Variants in CHID1 observed in about 807,000 individuals in gnomAD.
CHID1 encodes the protein chitinase domain containing 1.
A neutral mutation model predicts 55.4 loss-of-function variants in CHID1; 44 were observed. The observed-to-expected ratio is 0.79, with a 90% confidence interval of 0.62 to 1.02. The LOEUF is 1.02. Among genes scored for constraint, CHID1 ranks in the 50% least tolerant of loss-of-function variants. The pLI, the probability that CHID1 is intolerant of heterozygous loss-of-function variation, is 0.00. For synonymous variants in CHID1, 216 were observed against 212.9 expected, an observed-to-expected ratio of 1.01 and a Z score of -0.13; for missense variants, 491 against 515.3, an observed-to-expected ratio of 0.95 and a Z score of 0.46.
At chr11:885,769 C>A (rs1277551360) in intron 8 of CHID1, among the ~76,000 whole-genome samples, 1 of 152,208 alleles carries the variant, frequency 6.6e-6, no homozygotes, top group African/African-American at 2.4e-5. Flanking sequence ...CTATGTCACC[C>A]AGGCTGGAGT....
Position 903,130 on chromosome 11 carries a change from G to A in CHID1, c.112-19C>T. 6.2e-7 allele frequency: 1 copy of A among 1,603,630 alleles called. No individual in the cohort carries two copies. On this transcript the variant is annotated intron_variant, in intron 2 of 12. Coordinates refer to ENST00000323578, the MANE Select transcript of CHID1 (RefSeq NM_023947.4). ...ACTGACTCTGAAATAAAAGGAGTGA[G>A]AGAAAAGCCTCAGTCATCTGTCCAC...
chr11:868,865 G>GA lies in CHID1; in HGVS notation c.*992dup, dbSNP rs1848998405. ...TCCCTGGACTCACTTCTGTCCCCCC[G>GA]AGAGACCTTGCCCGGGACATGTACC... On this transcript the variant is annotated 3_prime_UTR_variant, in exon 13 of 13. Coordinates refer to ENST00000323578, the MANE Select transcript of CHID1 (RefSeq NM_023947.4). 6.6e-6 allele frequency: 1 copy of GA among 152,256 alleles called. No homozygotes were observed. Among genetic ancestry groups the GA allele is most frequent in the African/African-American group, 2.4e-5 (1 of 41,386 alleles). The allele number at this position is 152,256 out of a possible 1,614,324, so 9.4% of individuals were successfully genotyped here.
chr11:910,676 C>G (rs1490387518), intron 1 of CHID1, 99 bp downstream of exon 1: 1 of 1,267,596 alleles, frequency 7.9e-7, no homozygotes, highest in Non-Finnish European at 1.0e-6. Flanking sequence ...CGCCCGTCCT[C>G]CCGGGGCCGA....
At chr11:909,265 ACACT>A (rs1852459233) in intron 1 of CHID1, among the ~76,000 whole-genome samples, 1 of 152,192 alleles carries the variant, frequency 6.6e-6, no homozygotes, top group Non-Finnish European at 1.5e-5. Flanking sequence ...AGGTTCACAC[ACACT>A]GTGTTCCTGC....
intron 1 of CHID1, among the ~76,000 whole-genome samples, chr11:906,294 T>A (rs1852210496): frequency 6.6e-6 from 1 of 151,206 alleles, no homozygotes; most frequent in Admixed American, 6.6e-5. Flanking sequence ...ACTGGAGTGC[T>A]GTGGCGCCAT....
Position 869,952 on chromosome 11 carries a change from AGG to A in CHID1, c.1086_1087del (p.Leu363AlafsTer45), listed in dbSNP as rs755395155. Reference sequence around the variant, plus strand: ...CCGGGCCAGCTCCAGCCGCACCTGCAGGGACTGGGCACAGATGGAGGTGTGAG... The same window carrying A: ...CCGGGCCAGCTCCAGCCGCACCTGCAGACTGGGCACAGATGGAGGTGTGAG... On this transcript the variant is annotated frameshift_variant and splice_region_variant, in exon 13 of 13. Coordinates refer to ENST00000323578, the MANE Select transcript of CHID1 (RefSeq NM_023947.4). LOFTEE classifies it high-confidence loss of function. The A allele has an allele frequency of 3.1e-6, 5 of 1,612,630 alleles. No individual in the cohort carries two copies. Among genetic ancestry groups the A allele is most frequent in the African/African-American group, 1.3e-5 (1 of 74,924 alleles).
In CHID1 at chr11:907,206, G is replaced by T. The variant is rs148821269; in HGVS notation, c.-43-2347C>A. Among the ~76,000 whole-genome samples, 144 of 152,296 alleles carry T rather than the reference G, an allele frequency of 9.5e-4. 1 individual carries two copies. The East Asian group carries it at 0.014, about 15-fold the overall frequency. On this transcript the variant is annotated intron_variant, in intron 1 of 12. Coordinates refer to ENST00000323578, the MANE Select transcript of CHID1 (RefSeq NM_023947.4). ...AAAAGTGATTCTACTTTCCGGCCGG[G>T]CGCGGTGGCTCACGCCTGTAATCCC...
At chr11:883,411 A>C in intron 9 of CHID1, 108 bp from the exon 10 acceptor site, 7 of 1,153,894 alleles carry the variant, frequency 6.1e-6, no homozygotes, top group Non-Finnish European at 8.6e-6. Context: ...TGCGGCTGAC[A>C]CCTCTAGAGA....
At chr11:879,305 G>C (rs1849727571) in intron 10 of CHID1, among the ~76,000 whole-genome samples, 1 of 152,238 alleles carries the variant, frequency 6.6e-6, no homozygotes. Context: ...GAACTCCTGG[G>C]CTCCAGTGAT....
At chr11:877,331 G>A (rs1156291177) in intron 10 of CHID1, among the ~76,000 whole-genome samples, 1 of 152,224 alleles carries the variant, frequency 6.6e-6, no homozygotes. Context: ...GTGCAGTGCA[G>A]TCTCCACCTC....
At chr11:906,121 A>G (rs1470493189) in intron 1 of CHID1, among the ~76,000 whole-genome samples, 1 of 151,622 alleles carries the variant, frequency 6.6e-6, no homozygotes, top group Non-Finnish European at 1.5e-5. Flanking sequence ...TTTAATAGAG[A>G]TGAGGTTTCA....
At chr11:882,003 C>CAAA (rs773102032) in intron 10 of CHID1, among the ~76,000 whole-genome samples, 5 of 55,382 alleles carry the variant, frequency 9.0e-5, no homozygotes, top group African/African-American at 3.2e-4. Flanking sequence ...GACCCTGTCT[C>CAAA]AAAAAAAAAA....
chr11:899,909 A>G, intron 6 of CHID1, 95 bp downstream of exon 6: 1 of 825,306 alleles, frequency 1.2e-6, no homozygotes, highest in East Asian at 2.5e-5. Flanking sequence ...AGAAGACAGA[A>G]AAGCCGAGTG....
Position 883,196 on chromosome 11 carries a change from A to G in CHID1, c.911T>C (p.Met304Thr), listed in dbSNP as rs1850134665. The change falls in exon 10 of 13, where the codon ATG (methionine) becomes ACG (threonine). Residue 304 changes from methionine (M) to threonine (T), a missense_variant. Transcript: ENST00000323578. The part of the protein sequence containing the change: ...KILLGLNFYG[M>T]DYATSKDARE... ...GGCATCCTTGGAGGTCGCGTAGTCC[A>G]TACCATAGAAGTTGAGCCCCAGGAG... 3 of 1,614,198 alleles carry G rather than the reference A, an allele frequency of 1.9e-6. No individual in the cohort carries two copies. Among genetic ancestry groups the G allele is most frequent in the Non-Finnish European group, 2.5e-6 (3 of 1,180,006 alleles).
At chr11:876,525 T>C (rs915611166) in intron 10 of CHID1, among the ~76,000 whole-genome samples, 5 of 152,122 alleles carry the variant, frequency 3.3e-5, no homozygotes, top group Non-Finnish European at 7.4e-5. Context: ...TCTGGCACAG[T>C]TGAGAGCCAG....
At chr11:912,528 G>A (rs986544473), upstream of CHID1, among the ~76,000 whole-genome samples, 1 of 152,020 alleles carries the variant, frequency 6.6e-6, no homozygotes, top group African/African-American at 2.4e-5. Context: ...TTGTGCCAAT[G>A]GGCCCCGTGT....
chr11:899,147 C>G (rs781021513), intron 7 of CHID1, among the ~76,000 whole-genome samples, 193 bp downstream of exon 7: 1 of 152,268 alleles, frequency 6.6e-6, no homozygotes, highest in African/African-American at 2.4e-5. Context: ...CTTTTCTGTT[C>G]GGAGCCGGCT....
intron 8 of CHID1, among the ~76,000 whole-genome samples, chr11:891,747 G>A (rs1447233530): frequency 6.6e-6 from 1 of 152,196 alleles, no homozygotes; most frequent in Non-Finnish European, 1.5e-5. Flanking sequence ...GACAGGTGCT[G>A]TCAGCTCTGG....
chr11:910,971 G>T (rs1406362445), upstream of CHID1: 1 of 260,858 alleles, frequency 3.8e-6, no homozygotes, highest in Non-Finnish European at 5.9e-6. Flanking sequence ...CCGGGGCGGG[G>T]CCGCGCCGGG....
Sources: allele counts gnomAD v4.1 joint callset (sites outside exome capture counted in the v4.1 genomes callset), GRCh38; gene constraint gnomAD v4.1.1; transcripts MANE v1.5; gene names NCBI Gene and HGNC (gene_info 2026-07-23, HGNC 2026-07-21).